Variants in KCNQ5 observed in about 807,000 individuals in gnomAD.
The protein encoded by KCNQ5 is potassium voltage-gated channel subfamily Q member 5.
A neutral mutation model predicts 98.2 loss-of-function variants in KCNQ5; 30 were observed. The observed-to-expected ratio is 0.31, with a 90% confidence interval of 0.23 to 0.41. The LOEUF is 0.41. Ranked by LOEUF, KCNQ5 falls within the 10% of genes least tolerant of loss-of-function variation. The pLI, the probability that KCNQ5 is intolerant of heterozygous loss-of-function variation, is 1.00. For missense variants in KCNQ5, 835 were observed against 1,182.5 expected (o/e 0.71, Z 4.31); for synonymous variants, 458 against 449.4 (o/e 1.02, Z -0.24).
intron 1 of KCNQ5, among the ~76,000 whole-genome samples, chr6:72,660,415 A>G (rs959235814): frequency 6.6e-6 from 1 of 152,208 alleles, no homozygotes; most frequent in Non-Finnish European, 1.5e-5. Flanking sequence ...ACCTCTTAAC[A>G]TGGTATACTC....
At chr6:73,088,085 G>A (rs1774066917) in intron 5 of KCNQ5, among the ~76,000 whole-genome samples, 1 of 143,592 alleles carries the variant, frequency 7.0e-6, no homozygotes, top group South Asian at 2.3e-4. Flanking sequence ...GCAATGGTGT[G>A]ATCTTGGCTC....
In KCNQ5 at chr6:73,195,791, A is replaced by C. The variant is rs147114830; in HGVS notation, c.*377A>C. On this transcript the variant is annotated 3_prime_UTR_variant, in exon 14 of 14. Transcript: ENST00000370398. ...GCATTTCTGCTTTGTGACTAAATAC[A>C]AACTACATTTTCAAGATTAGGCCAT... is the stretch of plus-strand genomic sequence containing the variant. The C allele has an allele frequency of 4.4e-3, 942 of 212,026 alleles. 7 individuals carry two copies. Among genetic ancestry groups the C allele is most frequent in the African/African-American group, 0.02 (888 of 44,102 alleles). The allele number at this position is 212,026 out of a possible 1,614,324, so 13.1% of individuals were successfully genotyped here.
At chr6:73,088,956 C>T (rs1276991408) in intron 5 of KCNQ5, among the ~76,000 whole-genome samples, 3 of 152,186 alleles carry the variant, frequency 2.0e-5, no homozygotes, top group Non-Finnish European at 2.9e-5. Flanking sequence ...TTCAATCTCT[C>T]CTGTACATTT....
intron 11 of KCNQ5, among the ~76,000 whole-genome samples, chr6:73,180,840 T>G (rs1347588871): frequency 1.3e-5 from 2 of 151,872 alleles, no homozygotes; most frequent in Admixed American, 1.3e-4. Context: ...CAGTTCACAG[T>G]TGGCTGAGCC....
chr6:73,003,621 T>C (rs1347907171), intron 1 of KCNQ5, among the ~76,000 whole-genome samples: 1 of 152,104 alleles, frequency 6.6e-6, no homozygotes, highest in African/African-American at 2.4e-5. Context: ...GGAAGTTGTA[T>C]GGGAAATTCA....
At chr6:73,041,272 T>G (rs1415954556) in intron 2 of KCNQ5, among the ~76,000 whole-genome samples, 1 of 152,206 alleles carries the variant, frequency 6.6e-6, no homozygotes, top group African/African-American at 2.4e-5. Context: ...GTCATTTTCC[T>G]GGAGCAGGTG....
chr6:73,026,860 A>T (rs1770913066), intron 2 of KCNQ5, among the ~76,000 whole-genome samples: 1 of 152,142 alleles, frequency 6.6e-6, no homozygotes, highest in Non-Finnish European at 1.5e-5. Context: ...AGAAAAAAAA[A>T]ACTGAGGCAC....
chr6:72,709,565 G>A (rs1400048921), intron 1 of KCNQ5, among the ~76,000 whole-genome samples: 2 of 152,168 alleles, frequency 1.3e-5, no homozygotes. Flanking sequence ...ACTAGAAATG[G>A]CTACAACTTC....
Position 73,175,393 on chromosome 6 carries a change from G to GCC in KCNQ5, c.1577+5546_1577+5547dup, listed in dbSNP as rs138525460. On this transcript the variant is annotated intron_variant, in intron 11 of 13. Transcript: ENST00000370398. Reference sequence around the variant, plus strand: ...TCGAACTCTCGACCTCAGGTGATCTGCCCCCCCCTTGGCTTCCCTAAGTGC... The same window carrying GCC: ...TCGAACTCTCGACCTCAGGTGATCTGCCCCCCCCCCTTGGCTTCCCTAAGTGC... Among the ~76,000 whole-genome samples the GCC allele has an allele frequency of 9.9e-5, 15 of 151,540 alleles. No individual in the cohort carries two copies. The East Asian group carries it at 1.2e-3, about 12-fold the overall frequency.
chr6:72,897,672 A>G (rs1212702617), intron 1 of KCNQ5, among the ~76,000 whole-genome samples: 1 of 152,228 alleles, frequency 6.6e-6, no homozygotes, highest in Non-Finnish European at 1.5e-5. Flanking sequence ...TAGAACCAAG[A>G]GAAGAAATAG....
At chr6:72,754,692 T>C (rs919361982) in intron 1 of KCNQ5, among the ~76,000 whole-genome samples, 19 of 152,152 alleles carry the variant, frequency 1.2e-4, no homozygotes, top group African/African-American at 4.6e-4. Flanking sequence ...TTTAAATTTG[T>C]TCAGATTTAT....
At chr6:72,911,921 C>T (rs1214233754) in intron 1 of KCNQ5, among the ~76,000 whole-genome samples, 1 of 152,142 alleles carries the variant, frequency 6.6e-6, no homozygotes, top group East Asian at 1.9e-4. Context: ...GGCAGTTTTG[C>T]TGATGGCTTC....
intron 1 of KCNQ5, among the ~76,000 whole-genome samples, chr6:72,792,559 T>C (rs1774109199): frequency 6.6e-6 from 1 of 152,214 alleles, no homozygotes; most frequent in East Asian, 1.9e-4. Context: ...GTCATGTTTT[T>C]TCAGTCTTAA....
intron 1 of KCNQ5, among the ~76,000 whole-genome samples, chr6:72,995,903 A>G (rs539483910): frequency 6.6e-6 from 1 of 152,258 alleles, no homozygotes; most frequent in Non-Finnish European, 1.5e-5. Flanking sequence ...TTTCAAAGAA[A>G]GAGTAGTAAT....
chr6:72,757,588 A>T (rs1772035502), intron 1 of KCNQ5, among the ~76,000 whole-genome samples: 1 of 152,174 alleles, frequency 6.6e-6, no homozygotes, highest in South Asian at 2.1e-4. Context: ...AATTTATTGA[A>T]TGCCGTACTG....
At chr6:73,010,077 A>G (rs1562125279) in intron 2 of KCNQ5, among the ~76,000 whole-genome samples, 1 of 152,144 alleles carries the variant, frequency 6.6e-6, no homozygotes, top group African/African-American at 2.4e-5. Context: ...ATAGACCATT[A>G]TTTCTTATGA....
chr6:72,652,115 A>T (rs1188338617), intron 1 of KCNQ5, among the ~76,000 whole-genome samples: 1 of 151,970 alleles, frequency 6.6e-6, no homozygotes, highest in East Asian at 1.9e-4. Context: ...TGGGATCTAT[A>T]TCTAAATAAC....
intron 3 of KCNQ5, among the ~76,000 whole-genome samples, chr6:73,065,024 T>G (rs1772983223): frequency 1.4e-5 from 2 of 147,168 alleles, no homozygotes; most frequent in Admixed American, 1.4e-4. Flanking sequence ...GTTACTGATA[T>G]TGCAAGGGAT....
At position 72,622,224 on chromosome 6, in the gene KCNQ5, G is replaced by C. The variant is rs1013371738; in HGVS notation, c.35G>C (p.Gly12Ala). 3.2e-6 allele frequency: 4 copies of C among 1,234,592 alleles called. No individual in the cohort carries two copies. The highest frequency in any genetic ancestry group is 4.0e-6 in the Non-Finnish European group (4 of 990,476). The allele number at this position is 1,234,592 out of a possible 1,614,324, so 76.5% of individuals were successfully genotyped here. The change falls in exon 1 of 14, where the codon GGC becomes GCC. Residue 12 changes from glycine (G) to alanine (A), a missense_variant. Transcript: ENST00000370398. This position sits in a 1 kb window ranked among gnomAD's most constrained non-coding sequence, Gnocchi z 6.0. ...PRHHAGGEEG[G>A]AAGLWVKSGA... ...CACCACGCGGGAGGAGAGGAGGGCGGCGCCGCCGGGCTCTGGGTGAAGAGC... is the reference window on the plus strand; with the variant it reads ...CACCACGCGGGAGGAGAGGAGGGCGCCGCCGCCGGGCTCTGGGTGAAGAGC...
Sources: allele counts gnomAD v4.1 joint callset (sites outside exome capture counted in the v4.1 genomes callset), GRCh38; gene constraint gnomAD v4.1.1; non-coding constraint Gnocchi (gnomAD v3.1); transcripts MANE v1.5; gene names NCBI Gene and HGNC (gene_info 2026-07-23, HGNC 2026-07-21).